TBC1D19: variants seen among roughly 807,000 people sequenced by gnomAD.
TBC1D19 encodes the protein TBC1 domain family member 19, also known as TBC1 domain family, member 19.
A neutral mutation model predicts 89.0 loss-of-function variants in TBC1D19; 60 were observed. The observed-to-expected ratio is 0.67, with a 90% CI of 0.55 to 0.84. The LOEUF is 0.84. Ranked by LOEUF, TBC1D19 falls within the 40% of genes least tolerant of loss-of-function variation. The pLI is 0.00. For missense variants in TBC1D19, 500 were observed against 610.8 expected, an observed-to-expected ratio of 0.82 and a Z score of 1.91; for synonymous variants, 189 against 199.7, an observed-to-expected ratio of 0.95 and a Z score of 0.45.
At chr4:26,768,386 TAAG>T in the TBC1D19 span, among the ~76,000 whole-genome samples, 2 of 152,280 alleles carry the variant, frequency 1.3e-5, no homozygotes, top group East Asian at 3.9e-4. Context: ...CTCAAGACTA[TAAG>T]AATACAAATA....
the TBC1D19 span, among the ~76,000 whole-genome samples, chr4:26,802,303 T>G: frequency 6.6e-6 from 1 of 152,102 alleles, no homozygotes. Flanking sequence ...CCAGGTGAAT[T>G]AAGAGTGATT....
At chr4:26,827,582 C>T in the TBC1D19 span, among the ~76,000 whole-genome samples, 7 of 152,012 alleles carry the variant, frequency 4.6e-5, no homozygotes, top group South Asian at 2.1e-4. Context: ...CCAGCCTGGG[C>T]GAGAGAGCAA....
At chr4:26,612,453 A>G (rs1741438966) in intron 1 of TBC1D19, among the ~76,000 whole-genome samples, 1 of 151,926 alleles carries the variant, frequency 6.6e-6, no homozygotes, top group South Asian at 2.1e-4. Flanking sequence ...CCAGTTTTTG[A>G]TTTCTTAGGT....
chr4:26,753,564 G>A (rs1046869659), intron 19 of TBC1D19, among the ~76,000 whole-genome samples: 5 of 152,176 alleles, frequency 3.3e-5, no homozygotes, highest in Non-Finnish European at 7.3e-5. Flanking sequence ...TTATAAAATG[G>A]CTTTTTTTTA....
intron 13 of TBC1D19, among the ~76,000 whole-genome samples, chr4:26,691,696 C>T (rs1714307122): frequency 6.6e-6 from 1 of 152,074 alleles, no homozygotes; most frequent in South Asian, 2.1e-4. Context: ...TTTATACATA[C>T]TGAGAAACCA....
chr4:26,758,758 AT>A (rs555941328), downstream of TBC1D19, among the ~76,000 whole-genome samples: 109 of 152,108 alleles, frequency 7.2e-4, no homozygotes, highest in African/African-American at 2.5e-3. Context: ...GACCCAAAGG[AT>A]TTTCTTTGCA....
rs769124292 is a variant in TBC1D19, at chr4:26,673,424, CAT to C, written c.704-330_704-329del. Among the ~76,000 whole-genome samples the C allele has an allele frequency of 1.0e-3, 107 of 106,016 alleles. 1 individual carries two copies. The highest frequency in any genetic ancestry group is 3.1e-3 in the Admixed American group (26 of 8,332). 69.6% of individuals were successfully genotyped at this position (106,016 alleles called of 152,430 possible). On this transcript the variant is annotated intron_variant, in intron 10 of 20. Transcript: ENST00000264866. ...TGATAATGGAATCTAAAAATTATTT[CAT>C]ATATATATATATATATATATACACA...
chr4:26,840,836 C>T, the TBC1D19 span, among the ~76,000 whole-genome samples: 2 of 152,152 alleles, frequency 1.3e-5, no homozygotes, highest in Admixed American at 6.5e-5. Flanking sequence ...CTTAGCATTT[C>T]AGCTCAAGCG....
chr4:26,642,391 T>G lies in TBC1D19; in HGVS notation c.480+2204T>G, dbSNP rs192667835. On this transcript the variant is annotated intron_variant, in intron 7 of 20. Transcript: ENST00000264866. ...GACAAGCAAATACTGAGAAATTTTG[T>G]CACCACCAGGCCTGCCCTAAAAGAG... Among the ~76,000 whole-genome samples the G allele has an allele frequency of 4.0e-3, 603 of 152,264 alleles. 5 individuals carry two copies. The highest frequency in any genetic ancestry group is 5.8e-3 in the Admixed American group (88 of 15,296).
chr4:26,724,317 T>C (rs578207349), intron 15 of TBC1D19, among the ~76,000 whole-genome samples: 1 of 152,300 alleles, frequency 6.6e-6, no homozygotes, highest in Admixed American at 6.5e-5. Flanking sequence ...GAATGGGTTA[T>C]ACTTTTTTAT....
intron 1 of TBC1D19, among the ~76,000 whole-genome samples, chr4:26,595,203 T>C (rs894370733): frequency 6.6e-6 from 1 of 152,244 alleles, no homozygotes; most frequent in Non-Finnish European, 1.5e-5. Flanking sequence ...TTAAGTATCC[T>C]TTTATGTTTA....
At chr4:26,782,400 GC>G in the TBC1D19 span, among the ~76,000 whole-genome samples, 1 of 152,296 alleles carries the variant, frequency 6.6e-6, no homozygotes, top group South Asian at 2.1e-4. Context: ...ACTGAACACT[GC>G]ATGGTTTGAA....
chr4:26,713,675 A>T (rs1191851217), intron 13 of TBC1D19, among the ~76,000 whole-genome samples: 6 of 152,122 alleles, frequency 3.9e-5, no homozygotes, highest in Non-Finnish European at 8.8e-5. Context: ...TACTCTTTTA[A>T]ATATGAGTAA....
the TBC1D19 span, among the ~76,000 whole-genome samples, chr4:26,772,878 A>G: frequency 2.6e-5 from 4 of 152,266 alleles, no homozygotes; most frequent in African/African-American, 9.6e-5. Flanking sequence ...ATGGACATTT[A>G]GTTTCATTCC....
At chr4:26,659,872 G>A (rs1745114575) in intron 8 of TBC1D19, among the ~76,000 whole-genome samples, 165 bp downstream of exon 8, 1 of 152,124 alleles carries the variant, frequency 6.6e-6, no homozygotes, top group Non-Finnish European at 1.5e-5. Flanking sequence ...AGAGCAAGTT[G>A]TTTTGCTAAT....
chr4:26,789,278 C>T, the TBC1D19 span, among the ~76,000 whole-genome samples: 10 of 152,226 alleles, frequency 6.6e-5, no homozygotes, highest in African/African-American at 1.4e-4. Flanking sequence ...CTCTTTCTAG[C>T]CCAGCCTCCC....
intron 15 of TBC1D19, among the ~76,000 whole-genome samples, chr4:26,734,300 G>A (rs931758029): frequency 6.6e-6 from 1 of 152,128 alleles, no homozygotes; most frequent in African/African-American, 2.4e-5. Context: ...CACTCTATAT[G>A]ACCACAAGCA....
At chr4:26,727,493 C>T (rs1243001290) in intron 15 of TBC1D19, among the ~76,000 whole-genome samples, 1 of 152,174 alleles carries the variant, frequency 6.6e-6, no homozygotes, top group Non-Finnish European at 1.5e-5. Flanking sequence ...ACTTTGCCTT[C>T]TGAGAGCATA....
intron 13 of TBC1D19, among the ~76,000 whole-genome samples, chr4:26,696,971 A>G (rs1309784544): frequency 3.3e-5 from 5 of 152,196 alleles, no homozygotes; most frequent in East Asian, 1.9e-4. Flanking sequence ...CAGCAAACAC[A>G]TTCAAAAGCT....
Sources: gnomAD v4.1 joint callset for allele counts (sites outside exome capture counted in the v4.1 genomes callset) on GRCh38, gnomAD v4.1.1 for gene constraint, MANE v1.5 for transcripts, NCBI Gene and HGNC (gene_info 2026-07-23, HGNC 2026-07-21) for gene names.